The following EFCAB6 variants were observed in gnomAD, a reference collection of about 807,000 sequenced individuals.
The protein encoded by EFCAB6 is EF-hand calcium-binding domain-containing protein 6.
EFCAB6 carries 156 observed loss-of-function variants against 169.8 expected under a neutral mutation model. That is an observed-to-expected ratio of 0.92 (90% CI 0.81 to 1.05). The LOEUF is 1.05. EFCAB6 is among the 50% of genes least tolerant of loss of function. EFCAB6 has a pLI of 0.00. For synonymous variants in EFCAB6, 698 were observed against 676.4 expected, an observed-to-expected ratio of 1.03 and a Z score of -0.50; for missense variants, 1,800 against 1,829.1, an observed-to-expected ratio of 0.98 and a Z score of 0.29.
chr22:43,677,019 C>T (rs559529909), intron 13 of EFCAB6, among the ~76,000 whole-genome samples: 8 of 152,170 alleles, frequency 5.3e-5, no homozygotes, highest in East Asian at 3.9e-4. Flanking sequence ...GGGATGCCAA[C>T]GTCATAAATC....
At chr22:43,616,491 C>T (rs1182717594) in intron 20 of EFCAB6, among the ~76,000 whole-genome samples, 11 of 152,108 alleles carry the variant, frequency 7.2e-5, no homozygotes, top group Non-Finnish European at 1.3e-4. Context: ...GGTGAAACCC[C>T]GTCTCTACTA....
chr22:43,739,004 C>CT (rs531768622), intron 6 of EFCAB6, among the ~76,000 whole-genome samples: 2 of 152,312 alleles, frequency 1.3e-5, no homozygotes, highest in South Asian at 4.1e-4. Context: ...GTCCTACTCC[C>CT]TCTCAGGTCA....
chr22:43,668,179 C>A (rs1486539886), intron 16 of EFCAB6, among the ~76,000 whole-genome samples: 1 of 152,146 alleles, frequency 6.6e-6, no homozygotes, highest in Non-Finnish European at 1.5e-5. Context: ...TTAAAATATT[C>A]CCATTGCTCT....
At chr22:43,653,633 G>A (rs560381313) in intron 17 of EFCAB6, among the ~76,000 whole-genome samples, 1 of 152,316 alleles carries the variant, frequency 6.6e-6, no homozygotes, top group East Asian at 1.9e-4. Context: ...TGAAGACAGA[G>A]AATCACAGCC....
intron 19 of EFCAB6, among the ~76,000 whole-genome samples, chr22:43,630,926 T>C (rs1307457392): frequency 6.6e-6 from 1 of 150,714 alleles, no homozygotes; most frequent in Non-Finnish European, 1.5e-5. Flanking sequence ...GGATGCACAT[T>C]CTGAAAACTG....
At chr22:43,691,150 A>C (rs949878861) in intron 10 of EFCAB6, among the ~76,000 whole-genome samples, 4 of 152,158 alleles carry the variant, frequency 2.6e-5, no homozygotes, top group Non-Finnish European at 5.9e-5. Flanking sequence ...GGCCACGTCT[A>C]AACAAGTAGA....
intron 6 of EFCAB6, among the ~76,000 whole-genome samples, chr22:43,746,586 A>G (rs1237924783): frequency 6.6e-6 from 1 of 152,138 alleles, no homozygotes; most frequent in Non-Finnish European, 1.5e-5. Context: ...ACAGCTATGA[A>G]AAGGTGCCCC....
chr22:43,755,745 T>C, intron 6 of EFCAB6, 21 bp downstream of exon 6: 1 of 1,581,764 alleles, frequency 6.3e-7, no homozygotes, highest in Non-Finnish European at 8.6e-7. Flanking sequence ...GGGGAAATCA[T>C]TTCTTTAAAA....
intron 2 of EFCAB6, among the ~76,000 whole-genome samples, chr22:43,790,334 T>C (rs1409420030): frequency 6.6e-6 from 1 of 152,228 alleles, no homozygotes; most frequent in East Asian, 1.9e-4. Flanking sequence ...AAACAAAGCT[T>C]GGTTTGTGTT....
intron 8 of EFCAB6, among the ~76,000 whole-genome samples, chr22:43,729,177 G>C (rs1195438660): frequency 6.6e-6 from 1 of 152,084 alleles, no homozygotes; most frequent in East Asian, 1.9e-4. Context: ...CCATGGGGAG[G>C]GCACCAAGCT....
At chr22:43,733,962 A>G (rs756257293) in intron 7 of EFCAB6, among the ~76,000 whole-genome samples, 1 of 152,110 alleles carries the variant, frequency 6.6e-6, no homozygotes, top group Non-Finnish European at 1.5e-5. Context: ...CTGCCTCAGC[A>G]TCCCAAAGTG....
chr22:43,707,715 C>T (rs928765154), intron 10 of EFCAB6, among the ~76,000 whole-genome samples: 10 of 152,088 alleles, frequency 6.6e-5, no homozygotes, highest in African/African-American at 2.2e-4. Flanking sequence ...CTGAACTAAA[C>T]ACTCACAGGA....
chr22:43,749,741 G>A (rs1022740225), intron 6 of EFCAB6, among the ~76,000 whole-genome samples: 1 of 152,178 alleles, frequency 6.6e-6, no homozygotes, highest in African/African-American at 2.4e-5. Flanking sequence ...TGCTGCCCTA[G>A]ATGATCGCAT....
chr22:43,712,569 G>C (rs1050865092), intron 9 of EFCAB6, among the ~76,000 whole-genome samples: 2 of 152,150 alleles, frequency 1.3e-5, no homozygotes, highest in Non-Finnish European at 2.9e-5. Context: ...TCATTAGAAA[G>C]GACCTAAGCT....
chr22:43,686,688 T>C (rs569090696), intron 11 of EFCAB6, among the ~76,000 whole-genome samples: 1 of 152,034 alleles, frequency 6.6e-6, no homozygotes, highest in African/African-American at 2.4e-5. Context: ...TATTCACAAA[T>C]CCCCGAGACA....
At chr22:43,781,580 C>T (rs890453397) in intron 3 of EFCAB6, among the ~76,000 whole-genome samples, 2 of 152,152 alleles carry the variant, frequency 1.3e-5, no homozygotes, top group Admixed American at 6.5e-5. Flanking sequence ...CCTCCTGCCT[C>T]GACCTCCGGA....
intron 26 of EFCAB6, among the ~76,000 whole-genome samples, chr22:43,575,378 T>C (rs1449510551): frequency 9.3e-6 from 1 of 107,078 alleles, no homozygotes; most frequent in African/African-American, 3.4e-5. Context: ...TTTTTTTTTT[T>C]TGTATTTTCA....
intron 17 of EFCAB6, among the ~76,000 whole-genome samples, chr22:43,655,570 A>G (rs2056697421): frequency 6.6e-6 from 1 of 152,064 alleles, no homozygotes; most frequent in Non-Finnish European, 1.5e-5. Flanking sequence ...AACAAAGGAC[A>G]GAAGAAGAAA....
At chr22:43,805,421 T>G (rs2062883085) in intron 2 of EFCAB6, among the ~76,000 whole-genome samples, 1 of 152,196 alleles carries the variant, frequency 6.6e-6, no homozygotes, top group Admixed American at 6.5e-5. Context: ...TATGTGACAT[T>G]CTGATTAAAA....
Sources: gnomAD v4.1 joint callset for allele counts (sites outside exome capture counted in the v4.1 genomes callset) on GRCh38, gnomAD v4.1.1 for gene constraint, MANE v1.5 for transcripts, NCBI Gene and HGNC (gene_info 2026-07-23, HGNC 2026-07-21) for gene names.